Variants in NCOA5 observed in about 807,000 individuals in gnomAD.
NCOA5 encodes the protein NCoA-5.
Under a neutral mutation model 59.0 loss-of-function variants are expected in NCOA5, and 12 were observed. That is an observed-to-expected ratio of 0.20 (90% CI 0.13 to 0.33). The LOEUF (loss-of-function observed/expected upper bound fraction) is 0.33, where lower values mean the gene tolerates loss of function less well. NCOA5 is among the 10% of genes least tolerant of loss of function. The probability of loss-of-function intolerance (pLI) is 1.00; values close to 1 mark genes in which losing one functional copy is unlikely to be tolerated. For missense variants in NCOA5, 655 were observed against 766.6 expected (o/e 0.85, Z 1.72); for synonymous variants, 270 against 275.5 (o/e 0.98, Z 0.20).
chr20:46,084,522 T>A (rs537115503), intron 1 of NCOA5, among the ~76,000 whole-genome samples: 5 of 152,172 alleles, frequency 3.3e-5, no homozygotes, highest in Non-Finnish European at 7.3e-5. Context: ...GTTTCTGGGG[T>A]TTGCTATTAA....
intron 1 of NCOA5, among the ~76,000 whole-genome samples, chr20:46,081,745 C>A (rs1426318219): frequency 6.6e-6 from 1 of 151,190 alleles, no homozygotes; most frequent in Non-Finnish European, 1.5e-5. Context: ...TCCATCTGGG[C>A]TGACGTATGG....
At chr20:46,070,942 A>G (rs999843607) in intron 2 of NCOA5, among the ~76,000 whole-genome samples, 1 of 152,206 alleles carries the variant, frequency 6.6e-6, no homozygotes, top group Non-Finnish European at 1.5e-5. Context: ...TGATCAAAGG[A>G]ACTGTCCTTA....
chr20:46,066,770 A>G (rs974492394), intron 5 of NCOA5, among the ~76,000 whole-genome samples: 9 of 152,230 alleles, frequency 5.9e-5, no homozygotes, highest in Non-Finnish European at 8.8e-5. Context: ...TCTGAGGAAA[A>G]CAGTGCTTAG....
chr20:46,073,177 TGTC>T lies in NCOA5; in HGVS notation c.39-2644_39-2642del, dbSNP rs1375054668. Among the ~76,000 whole-genome samples the T allele has an allele frequency of 2.0e-5, 3 of 151,958 alleles. No individual in the cohort carries two copies. In the East Asian group the frequency reaches 5.8e-4, roughly 29 times the overall value. On this transcript the variant is annotated intron_variant, in intron 2 of 7. Coordinates refer to ENST00000290231, the MANE Select transcript of NCOA5 (RefSeq NM_020967.3). The stretch of plus-strand genomic sequence containing the variant: ...AGGCAGCATGTTTTGCTCATACTTT[TGTC>T]GTCTACCATGGTTACACACGTTAGG...
chr20:46,077,230 C>T (rs1053281806), intron 2 of NCOA5, among the ~76,000 whole-genome samples: 3 of 151,998 alleles, frequency 2.0e-5, no homozygotes, highest in Non-Finnish European at 2.9e-5. Context: ...TTTATAAGGC[C>T]CTCTCCAGTG....
At chr20:46,081,824 G>A (rs1315995597) in intron 1 of NCOA5, among the ~76,000 whole-genome samples, 1 of 151,620 alleles carries the variant, frequency 6.6e-6, no homozygotes, top group Non-Finnish European at 1.5e-5. Flanking sequence ...GTAGGGCTGG[G>A]GAGTTTTCAG....
chr20:46,067,263 A>G (rs1360897042), intron 4 of NCOA5, 82 bp from the exon 5 acceptor site: 4 of 1,477,680 alleles, frequency 2.7e-6, no homozygotes, highest in Non-Finnish European at 3.7e-6. Flanking sequence ...CAAAGGTCAT[A>G]ATACTCTGAA....
At chr20:46,084,269 G>A (rs1325033563) in intron 1 of NCOA5, among the ~76,000 whole-genome samples, 1 of 152,224 alleles carries the variant, frequency 6.6e-6, no homozygotes, top group Non-Finnish European at 1.5e-5. Context: ...CTGAGACTCA[G>A]ACCCAGGTCT....
Position 46,063,207 on chromosome 20 carries a change from A to G in NCOA5, c.1150+153T>C. On this transcript the variant is annotated intron_variant, in intron 7 of 7. Transcript: ENST00000290231. ...AATATAAAGTTATTATTAACATTAT[A>G]TCAGCATGGGTGGCCCACGGGAGAA... The G allele has an allele frequency of 5.8e-6, 4 of 695,550 alleles. No individual in the cohort carries two copies. In the Admixed American group the frequency reaches 1.2e-4, roughly 20 times the overall value. The allele number at this position is 695,550 out of a possible 1,614,324, so 43.1% of individuals were successfully genotyped here.
intron 5 of NCOA5, among the ~76,000 whole-genome samples, chr20:46,065,446 T>A (rs986145659): frequency 6.6e-6 from 1 of 152,216 alleles, no homozygotes; most frequent in Admixed American, 6.5e-5. Context: ...TAGCACAGTA[T>A]GATACCCAGG....
chr20:46,082,409 G>A (rs2085001285), intron 1 of NCOA5, among the ~76,000 whole-genome samples: 1 of 152,172 alleles, frequency 6.6e-6, no homozygotes, highest in Admixed American at 6.5e-5. Flanking sequence ...CATCAGATGG[G>A]GAACTCTGGT....
intron 2 of NCOA5, among the ~76,000 whole-genome samples, chr20:46,077,141 C>T: frequency 6.6e-6 from 1 of 152,186 alleles, no homozygotes; most frequent in Non-Finnish European, 1.5e-5. Context: ...AACTCCTGAG[C>T]TCAAGTGATC....
At chr20:46,086,096 C>T (rs2085042567) in intron 1 of NCOA5, among the ~76,000 whole-genome samples, 2 of 152,134 alleles carry the variant, frequency 1.3e-5, no homozygotes, top group Admixed American at 1.3e-4. Context: ...CCAGGTTGGT[C>T]TCAAACTTCT....
intron 1 of NCOA5, among the ~76,000 whole-genome samples, chr20:46,083,320 G>T (rs1391863817): frequency 2.0e-5 from 3 of 152,238 alleles, no homozygotes; most frequent in Admixed American, 2.0e-4. Flanking sequence ...TGAAAAGGAA[G>T]TCTGCACTGC....
intron 4 of NCOA5, among the ~76,000 whole-genome samples, chr20:46,068,150 T>G (rs1047697098): frequency 3.9e-5 from 6 of 152,168 alleles, no homozygotes; most frequent in Admixed American, 3.9e-4. Flanking sequence ...CTTAAGCTGG[T>G]CTTGAACTCC....
intron 4 of NCOA5, among the ~76,000 whole-genome samples, chr20:46,067,762 T>TA (rs1186801407): frequency 1.3e-5 from 2 of 152,100 alleles, no homozygotes; most frequent in African/African-American, 4.8e-5. Flanking sequence ...AACCAGGCTT[T>TA]AAAAAGACAT....
At chr20:46,063,746 C>CT (rs1187014702) in intron 6 of NCOA5, 66 bp from the exon 7 acceptor site, 22 of 1,469,386 alleles carry the variant, frequency 1.5e-5, no homozygotes, top group African/African-American at 2.8e-5. Flanking sequence ...CTGCTGCACT[C>CT]TGTCAAGTCT....
intron 2 of NCOA5, among the ~76,000 whole-genome samples, chr20:46,073,089 T>C (rs910726766): frequency 2.0e-5 from 3 of 152,208 alleles, no homozygotes; most frequent in East Asian, 1.9e-4. Context: ...GGATACACCA[T>C]AGGAGTTCAG....
chr20:46,081,939 G>A (rs1600632562), intron 1 of NCOA5, among the ~76,000 whole-genome samples: 2 of 152,068 alleles, frequency 1.3e-5, no homozygotes, highest in Non-Finnish European at 2.9e-5. Flanking sequence ...CATGAGTTCA[G>A]AAATACAGAA....
Sources: gnomAD v4.1 joint callset for allele counts (sites outside exome capture counted in the v4.1 genomes callset) on GRCh38, gnomAD v4.1.1 for gene constraint, MANE v1.5 for transcripts, NCBI Gene and HGNC (gene_info 2026-07-23, HGNC 2026-07-21) for gene names.